The following DSCAML1 variants were observed in gnomAD, a reference collection of about 807,000 sequenced individuals.
DSCAML1 encodes cell adhesion molecule DSCAML1.
In DSCAML1, 38 loss-of-function variants were observed where a neutral mutation model predicts 200.5. That is an observed-to-expected ratio of 0.19 (90% confidence interval 0.15 to 0.25). DSCAML1 has a LOEUF of 0.25. Ranked by LOEUF, DSCAML1 falls within the 10% of genes least tolerant of loss-of-function variation. The probability of loss-of-function intolerance (pLI) is 1.00; values close to 1 mark genes in which losing one functional copy is unlikely to be tolerated. For missense variants in DSCAML1, 2,223 were observed against 2,858.8 expected, an observed-to-expected ratio of 0.78 and a Z score of 5.07; for synonymous variants, 1,215 against 1,165.0, an observed-to-expected ratio of 1.04 and a Z score of -0.87.
At chr11:117,754,297 T>G (rs549119259) in intron 3 of DSCAML1, among the ~76,000 whole-genome samples, 1 of 152,164 alleles carries the variant, frequency 6.6e-6, no homozygotes, top group Non-Finnish European at 1.5e-5. Flanking sequence ...ACCAGGGAAT[T>G]AATTCAACTC....
intron 3 of DSCAML1, among the ~76,000 whole-genome samples, chr11:117,729,228 C>T (rs576860850): frequency 4.0e-4 from 61 of 152,250 alleles, no homozygotes; most frequent in South Asian, 1.2e-3. Flanking sequence ...TGCAAAAGAA[C>T]GGAGCTGGAC....
intron 3 of DSCAML1, among the ~76,000 whole-genome samples, chr11:117,635,785 G>A (rs1195471653): frequency 6.6e-6 from 1 of 152,144 alleles, no homozygotes. Flanking sequence ...GCATGCAAAG[G>A]AGGAGGTGGT....
intron 14 of DSCAML1, among the ~76,000 whole-genome samples, chr11:117,472,646 TA>T (rs2048708600): frequency 6.6e-6 from 1 of 152,306 alleles, no homozygotes; most frequent in African/African-American, 2.4e-5. Context: ...TCATTAGGGT[TA>T]GGGGCCACCA....
At chr11:117,467,682 GCA>G (rs1489482937) in intron 16 of DSCAML1, among the ~76,000 whole-genome samples, 2 of 151,968 alleles carry the variant, frequency 1.3e-5, no homozygotes, top group Non-Finnish European at 2.9e-5. Context: ...GTTTCTCTCT[GCA>G]CTTGGGCAGT....
intron 20 of DSCAML1, among the ~76,000 whole-genome samples, chr11:117,445,047 TGCACACACACGCTCACAA>T (rs1829254275): frequency 6.6e-6 from 1 of 152,004 alleles, no homozygotes; most frequent in African/African-American, 2.4e-5. Context: ...CACAGGATCT[TGCACACACACGCTCACAA>T]GCACACACAC....
At chr11:117,453,120 A>T (rs2048311169) in intron 19 of DSCAML1, among the ~76,000 whole-genome samples, 1 of 152,010 alleles carries the variant, frequency 6.6e-6, no homozygotes, top group Non-Finnish European at 1.5e-5. Context: ...TTTTTAGTAG[A>T]GACGGGGTTT....
chr11:117,727,566 C>T (rs1377052223), intron 3 of DSCAML1, among the ~76,000 whole-genome samples: 5 of 152,170 alleles, frequency 3.3e-5, no homozygotes, highest in Non-Finnish European at 5.9e-5. Flanking sequence ...AAATTCCAAT[C>T]GTAAAACACC....
chr11:117,651,957 T>A (rs1472948091), intron 3 of DSCAML1, among the ~76,000 whole-genome samples: 1 of 152,116 alleles, frequency 6.6e-6, no homozygotes, highest in Non-Finnish European at 1.5e-5. Context: ...CGGGTATTGG[T>A]CCAGCCTCCT....
intron 3 of DSCAML1, among the ~76,000 whole-genome samples, chr11:117,552,575 T>A (rs1365735659): frequency 1.3e-5 from 2 of 152,088 alleles, no homozygotes; most frequent in Non-Finnish European, 2.9e-5. Flanking sequence ...AAAACAGAGA[T>A]TAACGAAATC....
In DSCAML1 at chr11:117,504,451, CT is replaced by C. The variant is rs899903547; in HGVS notation, c.2183-431del. On this transcript the variant is annotated intron_variant, in intron 10 of 32. Transcript: ENST00000651296. This position sits in a 1 kb window ranked among gnomAD's most constrained non-coding sequence, Gnocchi z 5.0. Reference sequence around the variant, plus strand: ...TCCAAGGGGGCCTTGTGGGCACCCCCTGTCCCTCCATTCCCCAGTGTCAGTC... The same window carrying C: ...TCCAAGGGGGCCTTGTGGGCACCCCCGTCCCTCCATTCCCCAGTGTCAGTC... 3.9e-5 allele frequency among the ~76,000 whole-genome samples: 6 copies of C among 152,216 alleles called. No individual in the cohort carries two copies. The highest frequency in any genetic ancestry group is 1.3e-4 in the Admixed American group (2 of 15,284).
intron 3 of DSCAML1, among the ~76,000 whole-genome samples, chr11:117,590,689 T>G (rs1381832190): frequency 6.6e-6 from 1 of 152,156 alleles, no homozygotes; most frequent in Non-Finnish European, 1.5e-5. Flanking sequence ...ACTAAAGAAC[T>G]GCAGCAGAAA....
At chr11:117,651,599 C>T (rs2137620942) in intron 3 of DSCAML1, among the ~76,000 whole-genome samples, 1 of 150,300 alleles carries the variant, frequency 6.7e-6, no homozygotes, top group East Asian at 2.0e-4. Flanking sequence ...GTAGTCCCAG[C>T]TACTCGGGAG....
Position 117,438,088 on chromosome 11 carries a change from G to A in DSCAML1, c.4244-5C>T, listed in dbSNP as rs367550775. 117 of 1,605,856 alleles carry A rather than the reference G, an allele frequency of 7.3e-5. No homozygotes were observed. The highest frequency in any genetic ancestry group is 7.2e-4 in the African/African-American group (54 of 74,810). ...CCGAGTACTGTAGCACGAAGCCTGC[G>A]GAGGGTAGGCCTGATTCAGGTGGGG... On this transcript the variant is annotated splice_region_variant and splice_polypyrimidine_tract_variant and intron_variant, in intron 24 of 32. Coordinates refer to ENST00000651296, the MANE Select transcript of DSCAML1 (RefSeq NM_020693.4).
intron 3 of DSCAML1, among the ~76,000 whole-genome samples, chr11:117,677,004 T>C (rs1419225123): frequency 6.6e-6 from 1 of 151,742 alleles, no homozygotes; most frequent in Non-Finnish European, 1.5e-5. Context: ...AGACCCCTGA[T>C]CAGTGATGGA....
chr11:117,797,289 C>T (rs975351439), upstream of DSCAML1: 1 of 1,327,274 alleles, frequency 7.5e-7, no homozygotes, highest in African/African-American at 1.5e-5. Context: ...GGCCGCTCTC[C>T]CCGCCCCCCC....
At chr11:117,624,931 T>A (rs1198284794) in intron 3 of DSCAML1, among the ~76,000 whole-genome samples, 1 of 152,106 alleles carries the variant, frequency 6.6e-6, no homozygotes, top group Non-Finnish European at 1.5e-5. Flanking sequence ...TGTTTGAACT[T>A]GTGTGCACAT....
chr11:117,449,050 A>G (rs2137113330), intron 20 of DSCAML1, among the ~76,000 whole-genome samples: 1 of 152,372 alleles, frequency 6.6e-6, no homozygotes, highest in African/African-American at 2.4e-5. Context: ...ATGAGCTATA[A>G]CCACATACAA....
chr11:117,728,306 T>G (rs777455078), intron 3 of DSCAML1, among the ~76,000 whole-genome samples: 7 of 152,314 alleles, frequency 4.6e-5, no homozygotes, highest in Non-Finnish European at 8.8e-5. Context: ...GACTCTGTGA[T>G]AAACCTCTAG....
At chr11:117,599,587 CA>C (rs1202322255) in intron 3 of DSCAML1, among the ~76,000 whole-genome samples, 1 of 152,124 alleles carries the variant, frequency 6.6e-6, no homozygotes, top group Admixed American at 6.6e-5. Flanking sequence ...CTCTCTATAC[CA>C]TGTGAACATA....
Sources: allele counts gnomAD v4.1 joint callset (sites outside exome capture counted in the v4.1 genomes callset), GRCh38; gene constraint gnomAD v4.1.1; non-coding constraint Gnocchi (gnomAD v3.1); transcripts MANE v1.5; gene names NCBI Gene and HGNC (gene_info 2026-07-23, HGNC 2026-07-21).